The following PPP1R1C variants were observed in gnomAD, a reference collection of about 807,000 sequenced individuals.
PPP1R1C encodes protein phosphatase 1 regulatory inhibitor subunit 1C, also known as protein phosphatase 1 regulatory subunit 1C.
PPP1R1C carries 15 observed loss-of-function variants against 17.4 expected under a neutral mutation model. That is an observed-to-expected ratio of 0.86 (90% CI 0.58 to 1.33). The LOEUF (loss-of-function observed/expected upper bound fraction) is 1.33, where lower values mean the gene tolerates loss of function less well. PPP1R1C is among the 40% of genes most tolerant of loss of function. The pLI, the probability that PPP1R1C is intolerant of heterozygous loss-of-function variation, is 0.00. For missense variants in PPP1R1C, 143 were observed against 130.0 expected, an observed-to-expected ratio of 1.10 and a Z score of -0.48; for synonymous variants, 35 against 43.1, an observed-to-expected ratio of 0.81 and a Z score of 0.73.
intron 2 of PPP1R1C, among the ~76,000 whole-genome samples, chr2:181,996,183 T>A (rs1427962220): frequency 6.6e-6 from 1 of 152,228 alleles, no homozygotes; most frequent in African/African-American, 2.4e-5. Context: ...GTTGTTGCTA[T>A]AACTTCTAAA....
intron 4 of PPP1R1C, among the ~76,000 whole-genome samples, chr2:182,088,277 T>A (rs1688688515): frequency 6.6e-6 from 1 of 152,174 alleles, no homozygotes; most frequent in Non-Finnish European, 1.5e-5. Context: ...CTTATAACAA[T>A]TCTCCATTTC....
At chr2:182,000,660 T>C (rs1685735516) in intron 2 of PPP1R1C, among the ~76,000 whole-genome samples, 1 of 152,208 alleles carries the variant, frequency 6.6e-6, no homozygotes, top group Non-Finnish European at 1.5e-5. Flanking sequence ...TATTTGGTTA[T>C]GTGACTTTTA....
At chr2:182,069,571 A>C (rs1403057750) in intron 4 of PPP1R1C, among the ~76,000 whole-genome samples, 2 of 152,186 alleles carry the variant, frequency 1.3e-5, no homozygotes, top group African/African-American at 2.4e-5. Flanking sequence ...AAAGGTTTAA[A>C]AGACCTTGAG....
At chr2:182,131,003 T>C (rs1237750198), downstream of PPP1R1C, 2 of 152,206 alleles carry the variant, frequency 1.3e-5, no homozygotes, top group African/African-American at 4.8e-5. Flanking sequence ...AGTACCTAAA[T>C]AAGATTTTTC....
At chr2:182,100,262 G>A (rs1962724) in intron 4 of PPP1R1C, among the ~76,000 whole-genome samples, 39,498 of 151,832 alleles carry the variant, frequency 0.26, 5,622 homozygotes, top group African/African-American at 0.38. Context: ...CTGTAGTCCC[G>A]GCACTTTGGG....
intron 2 of PPP1R1C, among the ~76,000 whole-genome samples, chr2:181,977,132 TAAAAAAAAAAAAAAAAAAAAAAAAAAA>T (rs67129466): frequency 5.0e-5 from 1 of 19,850 alleles, no homozygotes; most frequent in African/African-American, 1.2e-4. Context: ...AGAATCTATC[TAAAAAAAAAAAAAAAAAAAAAAAAAAA>T]AAAAAAAAAA....
chr2:181,982,856 A>G (rs759168565), upstream of PPP1R1C, among the ~76,000 whole-genome samples: 1 of 152,188 alleles, frequency 6.6e-6, no homozygotes, highest in African/African-American at 2.4e-5. Context: ...TTACTCCAGT[A>G]TCACTTACTT....
At position 181,961,723 on chromosome 2, in the gene PPP1R1C, C is replaced by T. The variant is rs184386711; in HGVS notation, n.111+7089C>T. 1.5e-5 allele frequency: 13 copies of T among 850,070 alleles called. No homozygotes were observed. The highest frequency in any genetic ancestry group is 3.3e-4 in the Middle Eastern group (1 of 3,056). 52.7% of individuals were successfully genotyped at this position (850,070 alleles called of 1,614,324 possible). A position where few individuals can be genotyped will look rare whatever the true frequency, so the allele number is the denominator to read the frequency against. Reference sequence around the variant, plus strand: ...TCGAGTCAGCTCATCATATTGGGCCCGGATATCTGCTATGATCTTGGCAAG... The same window carrying T: ...TCGAGTCAGCTCATCATATTGGGCCTGGATATCTGCTATGATCTTGGCAAG... On this transcript the variant is annotated intron_variant and non_coding_transcript_variant, in intron 1 of 5. Coordinates refer to the PPP1R1C transcript ENST00000464264. This position sits in a 1 kb window ranked among gnomAD's most constrained non-coding sequence, Gnocchi z 5.8.
intron 2 of PPP1R1C, among the ~76,000 whole-genome samples, chr2:182,058,331 T>C (rs1464617143): frequency 6.6e-6 from 1 of 152,070 alleles, no homozygotes; most frequent in African/African-American, 2.4e-5. Flanking sequence ...ATGACTAGAC[T>C]AGGCTTAAGG....
At chr2:182,037,955 A>C (rs1687062725) in intron 2 of PPP1R1C, among the ~76,000 whole-genome samples, 1 of 152,142 alleles carries the variant, frequency 6.6e-6, no homozygotes, top group African/African-American at 2.4e-5. Flanking sequence ...ATATCTCCTG[A>C]TAGCTCTATA....
At chr2:182,026,631 A>G (rs1014631060) in intron 2 of PPP1R1C, among the ~76,000 whole-genome samples, 91 of 152,208 alleles carry the variant, frequency 6.0e-4, no homozygotes, top group African/African-American at 2.0e-3. Flanking sequence ...TATAGTTTGA[A>G]GTCAGGTAGT....
intron 4 of PPP1R1C, 26 bp from the exon 5 acceptor site, chr2:182,117,181 A>G (rs1421260564): frequency 1.4e-6 from 2 of 1,446,292 alleles, no homozygotes; most frequent in Admixed American, 4.3e-5. Context: ...AATCATTTAA[A>G]TTTTGCATAA....
chr2:182,048,282 ACCACTACCTAGTGGCTTAACGTGAAGCC>A (rs955719983), intron 2 of PPP1R1C, among the ~76,000 whole-genome samples: 5 of 152,064 alleles, frequency 3.3e-5, no homozygotes, highest in African/African-American at 1.2e-4. Flanking sequence ...CACAACTGAA[ACCACTACCTAGTGGCTTAACGTGAAGCC>A]CCAAATGATA....
At chr2:182,019,166 G>T (rs1686343374) in intron 2 of PPP1R1C, among the ~76,000 whole-genome samples, 1 of 152,076 alleles carries the variant, frequency 6.6e-6, no homozygotes, top group South Asian at 2.1e-4. Context: ...AAGAGTAAAG[G>T]TTTGTATCAT....
At chr2:182,109,552 T>C (rs1028935081) in intron 4 of PPP1R1C, among the ~76,000 whole-genome samples, 4 of 152,184 alleles carry the variant, frequency 2.6e-5, no homozygotes, top group African/African-American at 9.7e-5. Flanking sequence ...TTATTATATT[T>C]TTTTGCATGT....
intron 5 of PPP1R1C, among the ~76,000 whole-genome samples, chr2:182,123,631 G>C (rs1254733551): frequency 6.6e-6 from 1 of 152,108 alleles, no homozygotes; most frequent in Non-Finnish European, 1.5e-5. Flanking sequence ...TCATACGTTT[G>C]TTGACCGCAT....
At chr2:182,125,751 A>C (rs1011884026) in intron 5 of PPP1R1C, among the ~76,000 whole-genome samples, 3 of 152,120 alleles carry the variant, frequency 2.0e-5, no homozygotes, top group African/African-American at 7.2e-5. Context: ...TATCCCCTTT[A>C]TAACTTTTTA....
intron 2 of PPP1R1C, among the ~76,000 whole-genome samples, chr2:182,039,530 G>A (rs191670566): frequency 1.7e-3 from 256 of 152,228 alleles, no homozygotes; most frequent in African/African-American, 4.9e-3. Flanking sequence ...GACTCTAGGC[G>A]TGTGCCATGA....
chr2:182,124,977 A>C (rs1310986268), intron 5 of PPP1R1C, among the ~76,000 whole-genome samples: 1 of 151,486 alleles, frequency 6.6e-6, no homozygotes, highest in Non-Finnish European at 1.5e-5. Context: ...GCATAAGACA[A>C]AGTTTTCAAA....
Sources: gnomAD v4.1 joint callset for allele counts (sites outside exome capture counted in the v4.1 genomes callset) on GRCh38, gnomAD v4.1.1 for gene constraint, Gnocchi (gnomAD v3.1) non-coding constraint, MANE v1.5 for transcripts, NCBI Gene and HGNC (gene_info 2026-07-23, HGNC 2026-07-21) for gene names.